The following ZBTB7A variants were observed in gnomAD, a reference collection of about 807,000 sequenced individuals.
ZBTB7A encodes zinc finger and BTB domain-containing protein 7A.
ZBTB7A carries 7 observed loss-of-function variants against 26.7 expected under a neutral mutation model. That is an observed-to-expected ratio of 0.26 (90% confidence interval 0.15 to 0.49). ZBTB7A has a LOEUF of 0.49. ZBTB7A is among the 20% of genes least tolerant of loss of function. The probability of loss-of-function intolerance (pLI) is 0.98; values close to 1 mark genes in which losing one functional copy is unlikely to be tolerated. For synonymous variants in ZBTB7A, 452 were observed against 441.0 expected (o/e 1.02, Z -0.31); for missense variants, 617 against 919.5 (o/e 0.67, Z 4.25).
Position 4,044,051 on chromosome 19 carries a change from G to T in ZBTB7A, c.*3701C>A, listed in dbSNP as rs10403277. ...GTTGCCGGGCGGGAGGGGGCACCCC[G>T]AGGCCCCTGCCTCAGTGTCACCACC... is the stretch of plus-strand genomic sequence containing the variant. On this transcript the variant is annotated 3_prime_UTR_variant, in exon 3 of 3. Coordinates refer to ENST00000322357, the MANE Select transcript of ZBTB7A (RefSeq NM_015898.4). Among the ~76,000 whole-genome samples the T allele has an allele frequency of 9.2e-5, 14 of 151,670 alleles. No homozygotes were observed. Among genetic ancestry groups the T allele is most frequent in the African/African-American group, 3.4e-4 (14 of 41,352 alleles).
At position 4,045,371 on chromosome 19, in the gene ZBTB7A, C is replaced by T. The variant is rs527947802; in HGVS notation, c.*2381G>A. 1 of 152,146 alleles carries T rather than the reference C, an allele frequency of 6.6e-6. No homozygotes were observed. Among genetic ancestry groups the T allele is most frequent in the East Asian group, 1.9e-4 (1 of 5,160 alleles). The allele number at this position is 152,146 out of a possible 1,614,324, so 9.4% of individuals were successfully genotyped here. A position where few individuals can be genotyped will look rare whatever the true frequency, so the allele number is the denominator to read the frequency against. On this transcript the variant is annotated 3_prime_UTR_variant, in exon 3 of 3. Transcript: ENST00000322357. This position sits in a 1 kb window ranked among gnomAD's most constrained non-coding sequence, Gnocchi z 4.1. ...GCTCAGCCACGACAGATGGTTTTCT[C>T]TCCAGAACAGCTCGCCCTGTGACAC... is the stretch of plus-strand genomic sequence containing the variant.
At position 4,043,824 on chromosome 19, in the gene ZBTB7A, T is replaced by G; in HGVS notation, c.*3928A>C. On this transcript the variant is annotated 3_prime_UTR_variant, in exon 3 of 3. Coordinates refer to ENST00000322357, the MANE Select transcript of ZBTB7A (RefSeq NM_015898.4). ...CCCCAGCCTCCAGGCCCCTGACCCG[T>G]CCTGCGCCAGCCACCCACCACCCCC... Among the ~76,000 whole-genome samples, 1 of 107,598 alleles carries G rather than the reference T, an allele frequency of 9.3e-6. No individual in the cohort carries two copies. The highest frequency in any genetic ancestry group is 1.9e-5 in the Non-Finnish European group (1 of 53,452). The allele number at this position is 107,598 out of a possible 152,430, so 70.6% of individuals were successfully genotyped here.
Position 4,054,819 on chromosome 19 carries a change from G to C in ZBTB7A, c.414C>G (p.Ala138=). Residue 138 remains alanine (A), a synonymous_variant, in exon 2 of 3, where the codon GCC becomes GCG. Coordinates refer to ENST00000322357, the MANE Select transcript of ZBTB7A (RefSeq NM_015898.4). ...CTACAAGGTCCAGCTGCCCGGCGTC[G>C]GCGCCCGCGTCGGCCGCCAGGATCT... ...DRQILAADAG[A]DAGQLDLVDQ... 1 of 1,598,130 alleles carries C rather than the reference G, an allele frequency of 6.3e-7. No individual in the cohort carries two copies. The highest frequency in any genetic ancestry group is 8.5e-7 in the Non-Finnish European group (1 of 1,172,290).
chr19:4,065,481 G>GGCGGCT (rs1275922767), intron 1 of ZBTB7A: 2 of 146,622 alleles, frequency 1.4e-5, no homozygotes, highest in African/African-American at 2.5e-5. Flanking sequence ...CGGCGGTGGC[G>GGCGGCT]GCGGCTGCGG....
At position 4,047,615 on chromosome 19, in the gene ZBTB7A, G is replaced by GTA. The variant is rs541329016; in HGVS notation, c.*135_*136dup. The GTA allele has an allele frequency of 1.0e-2, 6,157 of 617,550 alleles. 17 individuals are homozygous for GTA. The highest frequency in any genetic ancestry group is 0.022 in the South Asian group (691 of 31,678). The allele number at this position is 617,550 out of a possible 1,614,324, so 38.3% of individuals were successfully genotyped here. ...TGTGACGCGTCATATATATATATCTGTATATATATATATAGATATAGATAT... is the reference window on the plus strand; with the variant it reads ...TGTGACGCGTCATATATATATATCTGTATATATATATATATAGATATAGATAT... On this transcript the variant is annotated 3_prime_UTR_variant, in exon 3 of 3. Coordinates refer to ENST00000322357, the MANE Select transcript of ZBTB7A (RefSeq NM_015898.4).
intron 1 of ZBTB7A, among the ~76,000 whole-genome samples, chr19:4,063,746 C>T (rs1032675458): frequency 1.3e-5 from 2 of 152,180 alleles, no homozygotes; most frequent in Non-Finnish European, 1.5e-5. Context: ...GGACAGGCCC[C>T]GAGCTGGAAG....
intron 1 of ZBTB7A, among the ~76,000 whole-genome samples, chr19:4,058,450 C>CT (rs397745602): frequency 6.6e-5 from 10 of 152,110 alleles, no homozygotes; most frequent in East Asian, 3.9e-4. Context: ...CCCTTTTTTC[C>CT]GCCTTCCCCT....
intron 2 of ZBTB7A, among the ~76,000 whole-genome samples, chr19:4,049,520 C>T (rs2040474278): frequency 2.0e-5 from 3 of 152,052 alleles, no homozygotes; most frequent in South Asian, 4.1e-4. Context: ...AGGAACAAGA[C>T]AGGCAAACAT....
In ZBTB7A at chr19:4,058,470, C is replaced by G. The variant is rs1222169674; in HGVS notation, c.-15-3223G>C. On this transcript the variant is annotated intron_variant, in intron 1 of 2. Coordinates refer to ENST00000322357, the MANE Select transcript of ZBTB7A (RefSeq NM_015898.4). ...TTTTCCGCCTTCCCCTCGGCTGTGA[C>G]TCATCCACCCACTCGGAGCTTGTGC... 2.0e-5 allele frequency among the ~76,000 whole-genome samples: 3 copies of G among 151,916 alleles called. No homozygotes were observed. The East Asian group carries it at 5.9e-4, about 30-fold the overall frequency.
At chr19:4,064,195 C>G (rs1036556544) in intron 1 of ZBTB7A, among the ~76,000 whole-genome samples, 2 of 152,248 alleles carry the variant, frequency 1.3e-5, no homozygotes, top group Non-Finnish European at 2.9e-5. Flanking sequence ...CAGGTGCTGA[C>G]TGGCCGCCAC....
At chr19:4,065,969 C>T (rs1355130803) in intron 1 of ZBTB7A, among the ~76,000 whole-genome samples, 3 of 146,424 alleles carry the variant, frequency 2.0e-5, no homozygotes, top group African/African-American at 7.4e-5. Flanking sequence ...ATTGGCTCTC[C>T]GGCCCGCCGC....
Position 4,048,103 on chromosome 19 carries a change from G to A in ZBTB7A, c.1404C>T (p.Cys468=), listed in dbSNP as rs770961493. The change falls in exon 3 of 3, where the codon TGC becomes TGT. Residue 468 remains cysteine (C), a synonymous_variant. Coordinates refer to ENST00000322357, the MANE Select transcript of ZBTB7A (RefSeq NM_015898.4). This position sits in a 1 kb window ranked among gnomAD's most constrained non-coding sequence, Gnocchi z 6.7. The part of the protein sequence containing the change: ...RVHTGLRPYQ[C]DSCCKTFVRS... ...GGACGAAGGTCTTGCAGCAGCTGTC[G>A]CACTGGTAGGGGCGCAGGCCCGTGT... 7 of 1,610,344 alleles carry A rather than the reference G, an allele frequency of 4.3e-6. No individual in the cohort carries two copies. Among genetic ancestry groups the A allele is most frequent in the Non-Finnish European group, 5.9e-6 (7 of 1,178,916 alleles).
chr19:4,054,378 C>A lies in ZBTB7A; in HGVS notation c.855G>T (p.Glu285Asp). 7.0e-7 allele frequency: 1 copy of A among 1,431,980 alleles called. No individual in the cohort carries two copies. The highest frequency in any genetic ancestry group is 9.0e-7 in the Non-Finnish European group (1 of 1,105,166). 88.7% of individuals were successfully genotyped at this position (1,431,980 alleles called of 1,614,324 possible). A position where few individuals can be genotyped will look rare whatever the true frequency, so the allele number is the denominator to read the frequency against. The change falls in exon 2 of 3, where the codon GAG becomes GAT. Residue 285 changes from glutamate (E) to aspartate (D), a missense_variant. By Grantham distance (45) the Glu-to-Asp change is conservative. Transcript: ENST00000322357. ...GAGAGTCGCCCGGCTCGGGGGCCGC[C>A]TCCGACAGCGAGGCGGCCTCCTCCT... ...GGEEEAASLS[E>D]AAPEPGDSPG...
intron 1 of ZBTB7A, among the ~76,000 whole-genome samples, chr19:4,060,094 G>C (rs924707027): frequency 6.6e-6 from 1 of 152,004 alleles, no homozygotes; most frequent in South Asian, 2.1e-4. Context: ...GCTGGCCTCC[G>C]TGGGATTTCC....
chr19:4,051,782 C>G (rs965004232), intron 2 of ZBTB7A, among the ~76,000 whole-genome samples: 1 of 152,244 alleles, frequency 6.6e-6, no homozygotes, highest in African/African-American at 2.4e-5. Context: ...CAGAGACTCC[C>G]CAGATGAGCC....
intron 1 of ZBTB7A, among the ~76,000 whole-genome samples, chr19:4,059,258 G>A (rs930509267): frequency 1.3e-5 from 2 of 152,178 alleles, no homozygotes; most frequent in African/African-American, 2.4e-5. Flanking sequence ...CAGGGTCCCC[G>A]CTCTGGAGTG....
chr19:4,055,346 C>A (rs1304314743), intron 1 of ZBTB7A, 99 bp from the exon 2 acceptor site: 1 of 1,409,694 alleles, frequency 7.1e-7, no homozygotes, highest in Non-Finnish European at 9.2e-7. Flanking sequence ...CAGCGTTCCA[C>A]CCTGCTCCCC....
chr19:4,061,844 A>G (rs2040641239), intron 1 of ZBTB7A: 1 of 152,360 alleles, frequency 6.6e-6, no homozygotes, highest in African/African-American at 2.4e-5. Context: ...AGCCCAGACT[A>G]CAGCCCGAGC....
At chr19:4,053,848 C>T (rs947559503) in intron 2 of ZBTB7A, 123 bp downstream of exon 2, 2 of 1,130,796 alleles carry the variant, frequency 1.8e-6, no homozygotes, top group Non-Finnish European at 2.5e-6. Flanking sequence ...TGTGCACGTG[C>T]GTGTATGTGT....
Sources: gnomAD v4.1 joint callset for allele counts (sites outside exome capture counted in the v4.1 genomes callset) on GRCh38, gnomAD v4.1.1 for gene constraint, Gnocchi (gnomAD v3.1) non-coding constraint, MANE v1.5 for transcripts, NCBI Gene and HGNC (gene_info 2026-07-23, HGNC 2026-07-21) for gene names.